The following SEL1L3 variants were observed in gnomAD, a reference collection of about 807,000 sequenced individuals.
SEL1L3 encodes the protein protein sel-1 homolog 3.
In SEL1L3, 76 loss-of-function variants were observed where a neutral mutation model predicts 142.8. The ratio of observed to expected loss-of-function variants is 0.53; its 90% CI spans 0.44 to 0.64. The LOEUF (loss-of-function observed/expected upper bound fraction) is 0.64. Ranked by LOEUF, SEL1L3 falls within the 30% of genes least tolerant of loss-of-function variation. The pLI is 0.00. For missense variants in SEL1L3, 1,262 were observed against 1,381.7 expected (o/e 0.91, Z 1.37); for synonymous variants, 504 against 519.6 (o/e 0.97, Z 0.41).
At chr4:25,802,191 G>T in intron 11 of SEL1L3, 92 bp downstream of exon 11, 1 of 1,150,056 alleles carries the variant, frequency 8.7e-7, no homozygotes, top group Non-Finnish European at 1.2e-6. Flanking sequence ...AACCTCTGAA[G>T]GCCAACTACA....
chr4:25,846,240 C>G (rs183591279), intron 2 of SEL1L3, among the ~76,000 whole-genome samples: 319 of 152,298 alleles, frequency 2.1e-3, no homozygotes, highest in East Asian at 6.2e-3. Context: ...TCCAGCCCCA[C>G]GGCTTAAGGG....
chr4:25,731,893 C>A, the SEL1L3 span, among the ~76,000 whole-genome samples: 1 of 151,954 alleles, frequency 6.6e-6, no homozygotes, highest in Admixed American at 6.6e-5. Context: ...CCCAACATGA[C>A]GAAAACCCAT....
At chr4:25,721,847 T>C in the SEL1L3 span, among the ~76,000 whole-genome samples, 8 of 152,330 alleles carry the variant, frequency 5.3e-5, no homozygotes, top group African/African-American at 1.7e-4. Flanking sequence ...CTTTCGCCAG[T>C]GGGATCTCAG....
chr4:25,767,578 C>T lies in SEL1L3; in HGVS notation c.2792G>A (p.Cys931Tyr). The change falls in exon 19 of 24, where the codon TGT becomes TAT. Residue 931 changes from cysteine (C) to tyrosine (Y), a missense_variant. By Grantham distance (194) the Cys-to-Tyr change is radical. Coordinates refer to ENST00000399878, the MANE Select transcript of SEL1L3 (RefSeq NM_015187.5). The part of the protein sequence containing the change: ...DLARRYLGVN[C>Y]VWRYYNFSVF... ...AGAGAAATTATAGTATCTCCAAACA[C>T]AGTTAACACCCAAGTATCTCCTGGC... is the stretch of plus-strand genomic sequence containing the variant. 2 of 1,601,472 alleles carry T rather than the reference C, an allele frequency of 1.2e-6. No individual in the cohort carries two copies. Among genetic ancestry groups the T allele is most frequent in the Non-Finnish European group, 1.7e-6 (2 of 1,171,712 alleles).
chr4:25,853,393 T>C (rs975753204), intron 1 of SEL1L3, among the ~76,000 whole-genome samples: 1 of 152,208 alleles, frequency 6.6e-6, no homozygotes, highest in South Asian at 2.1e-4. Flanking sequence ...TCAGGTGCAG[T>C]AAAAGTTACC....
the SEL1L3 span, among the ~76,000 whole-genome samples, chr4:25,725,176 A>G: frequency 6.6e-6 from 1 of 152,194 alleles, no homozygotes; most frequent in Non-Finnish European, 1.5e-5. Context: ...ACCCTAAGAC[A>G]GGGTTCTTGG....
chr4:25,766,708 G>T (rs930370803), intron 19 of SEL1L3, among the ~76,000 whole-genome samples: 8 of 152,172 alleles, frequency 5.3e-5, no homozygotes, highest in African/African-American at 1.9e-4. Flanking sequence ...GGGTGGAGCT[G>T]CCAGGCAGGG....
At chr4:25,745,456 G>A (rs1458321192), downstream of SEL1L3, among the ~76,000 whole-genome samples, 1 of 152,060 alleles carries the variant, frequency 6.6e-6, no homozygotes, top group East Asian at 1.9e-4. Flanking sequence ...TGCATTCAGT[G>A]AGGTTGCAAC....
At chr4:25,715,117 A>G in the SEL1L3 span, among the ~76,000 whole-genome samples, 3 of 152,200 alleles carry the variant, frequency 2.0e-5, no homozygotes, top group Non-Finnish European at 4.4e-5. Flanking sequence ...AGATCACAGA[A>G]AAGTATACAT....
chr4:25,790,353 G>T, intron 12 of SEL1L3, 102 bp downstream of exon 12: 1 of 1,113,460 alleles, frequency 9.0e-7, no homozygotes, highest in Non-Finnish European at 1.4e-6. Flanking sequence ...AAATAAACTG[G>T]CATTATTTTA....
chr4:25,841,343 T>G (rs1311024758), intron 2 of SEL1L3, among the ~76,000 whole-genome samples: 2 of 152,194 alleles, frequency 1.3e-5, no homozygotes, highest in Non-Finnish European at 1.5e-5. Flanking sequence ...CCCTCCTTTT[T>G]GATCCATGAA....
At chr4:25,753,984 CATAAATAA>C (rs35245204) in intron 23 of SEL1L3, among the ~76,000 whole-genome samples, 1,611 of 143,482 alleles carry the variant, frequency 0.011, 13 homozygotes, top group Non-Finnish European at 0.016. Flanking sequence ...TCCGTCTCAA[CATAAATAA>C]ATAAATAAAT....
At chr4:25,844,408 T>A (rs1716381404) in intron 2 of SEL1L3, among the ~76,000 whole-genome samples, 1 of 152,192 alleles carries the variant, frequency 6.6e-6, no homozygotes, top group South Asian at 2.1e-4. Context: ...CCATTTTCAG[T>A]GACTTTAACT....
chr4:25,820,538 G>T (rs2109258809), intron 7 of SEL1L3, among the ~76,000 whole-genome samples: 1 of 152,368 alleles, frequency 6.6e-6, no homozygotes, highest in South Asian at 2.1e-4. Flanking sequence ...ACTTAGCTCA[G>T]TGTGCTTCAA....
chr4:25,863,257 C>T, upstream of SEL1L3, among the ~76,000 whole-genome samples: 3 of 113,664 alleles, frequency 2.6e-5, no homozygotes. Flanking sequence ...GCTCCTCCCC[C>T]GCCCCCCTTC....
chr4:25,853,145 G>A (rs1392294676), intron 1 of SEL1L3, among the ~76,000 whole-genome samples: 1 of 152,184 alleles, frequency 6.6e-6, no homozygotes, highest in South Asian at 2.1e-4. Context: ...GGAGGCCAAG[G>A]CAGGAGGATC....
At chr4:25,861,034 T>C (rs1425506367) in intron 1 of SEL1L3, among the ~76,000 whole-genome samples, 1 of 152,218 alleles carries the variant, frequency 6.6e-6, no homozygotes, top group Admixed American at 6.5e-5. Flanking sequence ...TGTCCAGAAG[T>C]AGTCCCCCTC....
the SEL1L3 span, among the ~76,000 whole-genome samples, chr4:25,733,815 AGTTT>A: frequency 2.8e-4 from 42 of 152,050 alleles, no homozygotes; most frequent in African/African-American, 9.4e-4. Context: ...GCGTCGGGCC[AGTTT>A]GTTTGTTTTT....
At chr4:25,839,966 T>C (rs1716068024) in intron 2 of SEL1L3, among the ~76,000 whole-genome samples, 1 of 152,128 alleles carries the variant, frequency 6.6e-6, no homozygotes, top group Non-Finnish European at 1.5e-5. Flanking sequence ...TTCACATCGA[T>C]AAAAATTCAA....
Sources: gnomAD v4.1 joint callset for allele counts (sites outside exome capture counted in the v4.1 genomes callset) on GRCh38, gnomAD v4.1.1 for gene constraint, MANE v1.5 for transcripts, NCBI Gene and HGNC (gene_info 2026-07-23, HGNC 2026-07-21) for gene names.